SLC8A1: variants seen among roughly 807,000 people sequenced by gnomAD.
The protein encoded by SLC8A1 is sodium/calcium exchanger 1.
Under a neutral mutation model 68.3 loss-of-function variants are expected in SLC8A1, and 18 were observed. The ratio of observed to expected loss-of-function variants is 0.26; its 90% CI spans 0.18 to 0.39. The LOEUF is 0.39. Ranked by LOEUF, SLC8A1 falls within the 10% of genes least tolerant of loss-of-function variation. The probability of loss-of-function intolerance (pLI) is 1.00; values close to 1 mark genes in which losing one functional copy is unlikely to be tolerated. For synonymous variants in SLC8A1, 475 were observed against 415.5 expected (o/e 1.14, Z -1.74); for missense variants, 985 against 1,156.7 (o/e 0.85, Z 2.15).
chr2:40,473,002 T>G (rs554354880), intron 1 of SLC8A1, among the ~76,000 whole-genome samples: 1 of 151,412 alleles, frequency 6.6e-6, no homozygotes, highest in East Asian at 2.0e-4. Flanking sequence ...ATAACTCAGA[T>G]TTGGAAGTCA....
At chr2:40,249,830 A>C (rs1237265651) in intron 2 of SLC8A1, among the ~76,000 whole-genome samples, 3 of 152,204 alleles carry the variant, frequency 2.0e-5, no homozygotes, top group Non-Finnish European at 4.4e-5. Context: ...CTTACTTAAC[A>C]CAGGAAGGGT....
intron 7 of SLC8A1, among the ~76,000 whole-genome samples, chr2:40,132,148 C>G (rs2039504498): frequency 6.6e-6 from 1 of 151,808 alleles, no homozygotes; most frequent in African/African-American, 2.4e-5. Flanking sequence ...TTAAAAATTT[C>G]TTAAAACGTT....
At chr2:40,156,866 G>A (rs145371551) in intron 6 of SLC8A1, among the ~76,000 whole-genome samples, 26 of 152,202 alleles carry the variant, frequency 1.7e-4, no homozygotes, top group East Asian at 9.7e-4. Flanking sequence ...ATGTCTCTGC[G>A]TACCTGTGTA....
At chr2:40,276,543 T>A (rs1288999973) in intron 2 of SLC8A1, among the ~76,000 whole-genome samples, 1 of 152,186 alleles carries the variant, frequency 6.6e-6, no homozygotes, top group African/African-American at 2.4e-5. Context: ...AACTACAGGT[T>A]TAAAGGACAG....
At chr2:40,472,440 T>A (rs1704041136) in intron 1 of SLC8A1, among the ~76,000 whole-genome samples, 1 of 152,184 alleles carries the variant, frequency 6.6e-6, no homozygotes, top group Admixed American at 6.5e-5. Flanking sequence ...TGTTTGCCAA[T>A]TATCACAACC....
At chr2:40,235,594 T>C (rs1490068344) in intron 2 of SLC8A1, among the ~76,000 whole-genome samples, 2 of 152,060 alleles carry the variant, frequency 1.3e-5, no homozygotes, top group Non-Finnish European at 2.9e-5. Context: ...GGTGTCTCTA[T>C]TTCCTTCAGT....
At chr2:40,463,887 C>CACACACACACACACACAT (rs796954298) in intron 1 of SLC8A1, among the ~76,000 whole-genome samples, 9 of 108,610 alleles carry the variant, frequency 8.3e-5, no homozygotes, top group East Asian at 7.8e-4. Flanking sequence ...CACACACACA[C>CACACACACACACACACAT]ATATATATAT....
At chr2:40,444,814 A>G (rs538238640) in intron 1 of SLC8A1, among the ~76,000 whole-genome samples, 4 of 152,330 alleles carry the variant, frequency 2.6e-5, no homozygotes, top group East Asian at 1.9e-4. Context: ...CTTTCTTGCT[A>G]TAACACCAGA....
chr2:40,317,005 C>A (rs76657253), intron 2 of SLC8A1, among the ~76,000 whole-genome samples: 1 of 152,090 alleles, frequency 6.6e-6, no homozygotes, highest in Non-Finnish European at 1.5e-5. Flanking sequence ...AATTTTTCTA[C>A]TTTGTTCACT....
At chr2:40,162,415 T>A (rs1196955306) in intron 5 of SLC8A1, among the ~76,000 whole-genome samples, 1 of 152,218 alleles carries the variant, frequency 6.6e-6, no homozygotes, top group East Asian at 1.9e-4. Flanking sequence ...CTGTGCTGAA[T>A]CCATGACGGA....
intron 2 of SLC8A1, among the ~76,000 whole-genome samples, chr2:40,419,505 T>TC (rs1694864281): frequency 1.3e-5 from 2 of 152,070 alleles, no homozygotes; most frequent in Middle Eastern, 3.2e-3. Flanking sequence ...TGCCTACCTC[T>TC]CCTTCTTACT....
intron 2 of SLC8A1, among the ~76,000 whole-genome samples, chr2:40,187,356 A>G (rs2050885659): frequency 6.6e-6 from 1 of 152,226 alleles, no homozygotes; most frequent in South Asian, 2.1e-4. Context: ...TTGCTAAAGT[A>G]GCTAAACCAA....
At chr2:40,224,386 G>A (rs189238085) in intron 2 of SLC8A1, among the ~76,000 whole-genome samples, 1 of 152,076 alleles carries the variant, frequency 6.6e-6, no homozygotes, top group East Asian at 1.9e-4. Flanking sequence ...AGAACTGGAG[G>A]TTCCCAAGAG....
At chr2:40,356,714 C>A (rs1391568256) in intron 2 of SLC8A1, among the ~76,000 whole-genome samples, 1 of 152,082 alleles carries the variant, frequency 6.6e-6, no homozygotes, top group African/African-American at 2.4e-5. Context: ...GACTAAAACA[C>A]AGCTAAGGGA....
At chr2:40,249,725 T>C (rs1464005810) in intron 2 of SLC8A1, among the ~76,000 whole-genome samples, 1 of 152,296 alleles carries the variant, frequency 6.6e-6, no homozygotes, top group East Asian at 1.9e-4. Flanking sequence ...GTAGTAAAAA[T>C]TGCCAACGAA....
At chr2:40,382,984 A>G (rs996457277) in intron 2 of SLC8A1, among the ~76,000 whole-genome samples, 8 of 152,038 alleles carry the variant, frequency 5.3e-5, no homozygotes, top group African/African-American at 1.7e-4. Flanking sequence ...TTAATACACA[A>G]CCTGTCTTAT....
intron 2 of SLC8A1, among the ~76,000 whole-genome samples, chr2:40,253,856 A>C (rs970441464): frequency 6.9e-5 from 9 of 129,572 alleles, no homozygotes; most frequent in African/African-American, 2.3e-4. Flanking sequence ...AAAAAAAAAA[A>C]GGCTAGGAAG....
chr2:40,446,137 C>T (rs1469151836), intron 1 of SLC8A1, among the ~76,000 whole-genome samples: 1 of 152,164 alleles, frequency 6.6e-6, no homozygotes, highest in Non-Finnish European at 1.5e-5. Context: ...TAAATAAAAA[C>T]CACCTACCCT....
chr2:40,501,171 T>C (rs981498800), intron 1 of SLC8A1, among the ~76,000 whole-genome samples: 1 of 152,104 alleles, frequency 6.6e-6, no homozygotes, highest in Non-Finnish European at 1.5e-5. Context: ...GCTCAAATTT[T>C]ATTTCCTGTG....
Sources: allele counts gnomAD v4.1 joint callset (sites outside exome capture counted in the v4.1 genomes callset), GRCh38; gene constraint gnomAD v4.1.1; transcripts MANE v1.5; gene names NCBI Gene and HGNC (gene_info 2026-07-23, HGNC 2026-07-21).